The following TYR variants were observed in gnomAD, a reference collection of about 807,000 sequenced individuals.
TYR encodes tyrosinase.
TYR carries 58 observed loss-of-function variants against 51.5 expected under a neutral mutation model. That is an observed-to-expected ratio of 1.13 (90% CI 0.91 to 1.40). The LOEUF is 1.40. TYR is among the 40% of genes most tolerant of loss of function. TYR has a pLI of 0.00. For synonymous variants in TYR, 263 were observed against 235.2 expected, an observed-to-expected ratio of 1.12 and a Z score of -1.08; for missense variants, 732 against 647.4, an observed-to-expected ratio of 1.13 and a Z score of -1.42.
At chr11:89,195,600 A>G (rs1321786637) in intron 2 of TYR, among the ~76,000 whole-genome samples, 1 of 151,924 alleles carries the variant, frequency 6.6e-6, no homozygotes, top group Non-Finnish European at 1.5e-5. Flanking sequence ...AATCGCTTGA[A>G]CCCAGGAGGC....
chr11:89,293,312 C>G (rs2135330998), intron 4 of TYR, among the ~76,000 whole-genome samples: 1 of 146,682 alleles, frequency 6.8e-6, no homozygotes, highest in Middle Eastern at 3.5e-3. Context: ...ACACAAAAAG[C>G]CATTTATGTA....
At chr11:89,245,677 C>G (rs1413960526) in intron 3 of TYR, among the ~76,000 whole-genome samples, 5 of 152,134 alleles carry the variant, frequency 3.3e-5, no homozygotes, top group African/African-American at 2.4e-5. Context: ...AATCCCAGCA[C>G]TTTGGGAGGC....
intron 2 of TYR, chr11:89,200,549 A>G (rs1171410408): frequency 1.3e-5 from 2 of 151,964 alleles, no homozygotes; most frequent in Non-Finnish European, 2.9e-5. Flanking sequence ...ATTTATGACT[A>G]CTTCTCATTT....
intron 3 of TYR, among the ~76,000 whole-genome samples, chr11:89,258,539 T>C (rs1460292508): frequency 6.6e-6 from 1 of 151,674 alleles, no homozygotes; most frequent in Non-Finnish European, 1.5e-5. Flanking sequence ...TTGGAAAAAA[T>C]GAGGATTTAT....
chr11:89,201,500 T>TA (rs990753673), intron 2 of TYR, among the ~76,000 whole-genome samples: 2 of 152,216 alleles, frequency 1.3e-5, no homozygotes, highest in Non-Finnish European at 2.9e-5. Flanking sequence ...AAAAGGCATG[T>TA]AAAAAAAGAT....
Position 89,208,995 on chromosome 11 carries a change from C to G in TYR, c.1036+17577C>G, listed in dbSNP as rs147529609. 3.3e-4 allele frequency among the ~76,000 whole-genome samples: 51 copies of G among 152,292 alleles called. 1 individual carries two copies. Among genetic ancestry groups the G allele is most frequent in the South Asian group, 1.4e-3 (7 of 4,828 alleles). Reference sequence around the variant, plus strand: ...TTCCAAGATGACTGAACAGGAAGAGCTCTGGTCTACATCTCCCAGGGAGAT... The same window carrying G: ...TTCCAAGATGACTGAACAGGAAGAGGTCTGGTCTACATCTCCCAGGGAGAT... On this transcript the variant is annotated intron_variant, in intron 2 of 4. Coordinates refer to ENST00000263321, the MANE Select transcript of TYR (RefSeq NM_000372.5).
intron 2 of TYR, among the ~76,000 whole-genome samples, chr11:89,217,359 T>G (rs1943844652): frequency 6.6e-6 from 1 of 152,212 alleles, no homozygotes; most frequent in African/African-American, 2.4e-5. Flanking sequence ...TTTGGATGTT[T>G]CTGGTTGGGG....
At chr11:89,178,805 G>C in intron 1 of TYR, 33 bp downstream of exon 1, 2 of 1,607,736 alleles carry the variant, frequency 1.2e-6, no homozygotes, top group East Asian at 4.5e-5. Flanking sequence ...TGTCAGAGTA[G>C]GGAGGAACCT....
intron 2 of TYR, chr11:89,200,532 G>C (rs1591149448): frequency 6.8e-6 from 1 of 147,318 alleles, no homozygotes; most frequent in East Asian, 2.0e-4. Context: ...TTATTTATGT[G>C]GGTTATATTT....
intron 2 of TYR, among the ~76,000 whole-genome samples, chr11:89,201,865 T>A (rs1370962926): frequency 2.0e-5 from 3 of 152,188 alleles, no homozygotes; most frequent in Non-Finnish European, 2.9e-5. Context: ...AATAAGGGCA[T>A]CTGGGAAGAC....
chr11:89,267,946 C>T (rs181360014), intron 3 of TYR, among the ~76,000 whole-genome samples: 191 of 152,012 alleles, frequency 1.3e-3, no homozygotes, highest in African/African-American at 4.4e-3. Context: ...CCTAAACCCT[C>T]ACTTTTTGTT....
intron 3 of TYR, among the ~76,000 whole-genome samples, chr11:89,270,904 C>T (rs1368024932): frequency 1.3e-5 from 2 of 151,750 alleles, no homozygotes; most frequent in African/African-American, 2.4e-5. Flanking sequence ...AAGGCAATAT[C>T]ATTGCTTTCG....
intron 3 of TYR, among the ~76,000 whole-genome samples, chr11:89,228,891 A>AAGGCACAGAAAGGAGGCTGAGGCACGAG (rs1944008010): frequency 6.6e-6 from 1 of 151,848 alleles, no homozygotes; most frequent in African/African-American, 2.4e-5. Context: ...AGAAAGGAGA[A>AAGGCACAGAAAGGAGGCTGAGGCACGAG]AATAAAGCAT....
At chr11:89,226,244 T>C (rs1340803462) in intron 2 of TYR, among the ~76,000 whole-genome samples, 1 of 152,220 alleles carries the variant, frequency 6.6e-6, no homozygotes, top group South Asian at 2.1e-4. Context: ...AAAACAGGCA[T>C]CTGCTCTAAC....
At chr11:89,294,872 C>T (rs966266011) in intron 4 of TYR, among the ~76,000 whole-genome samples, 2 of 152,182 alleles carry the variant, frequency 1.3e-5, no homozygotes, top group African/African-American at 4.8e-5. Flanking sequence ...ATTGAGTACA[C>T]ACTATATACC....
chr11:89,202,630 C>CACACACACACACACACAT, intron 2 of TYR, among the ~76,000 whole-genome samples: 1 of 151,428 alleles, frequency 6.6e-6, no homozygotes, highest in South Asian at 2.1e-4. Context: ...AATACACACA[C>CACACACACACACACACAT]ACACACACAC....
At chr11:89,265,089 A>G in intron 3 of TYR, among the ~76,000 whole-genome samples, 1 of 152,048 alleles carries the variant, frequency 6.6e-6, no homozygotes, top group Admixed American at 6.6e-5. Context: ...ACCTAATAAC[A>G]ACTTCTAAAC....
chr11:89,216,689 T>G, intron 2 of TYR, among the ~76,000 whole-genome samples: 1 of 139,456 alleles, frequency 7.2e-6, no homozygotes, highest in East Asian at 2.0e-4. Context: ...CCAAATAATA[T>G]GCCTTTTAAG....
At chr11:89,188,897 A>G (rs1249915265) in intron 1 of TYR, among the ~76,000 whole-genome samples, 2 of 151,944 alleles carry the variant, frequency 1.3e-5, no homozygotes, top group Non-Finnish European at 2.9e-5. Context: ...AGTAGGAAAT[A>G]ATGTTTGCAT....
Sources: allele counts gnomAD v4.1 joint callset (sites outside exome capture counted in the v4.1 genomes callset), GRCh38; gene constraint gnomAD v4.1.1; transcripts MANE v1.5; gene names NCBI Gene and HGNC (gene_info 2026-07-23, HGNC 2026-07-21).